Variants in OXR1 observed in about 807,000 individuals in gnomAD.
OXR1 encodes the protein oxidation resistance 1, also known as oxidation resistance protein 1.
OXR1 carries 41 observed loss-of-function variants against 104.6 expected under a neutral mutation model. The ratio of observed to expected loss-of-function variants is 0.39; its 90% CI spans 0.31 to 0.51. The LOEUF (loss-of-function observed/expected upper bound fraction) is 0.51, where lower values mean the gene tolerates loss of function less well. Ranked by LOEUF, OXR1 falls within the 20% of genes least tolerant of loss-of-function variation. The pLI is 0.77. For synonymous variants in OXR1, 348 were observed against 348.4 expected (o/e 1.00, Z 0.01); for missense variants, 955 against 1,031.9 (o/e 0.93, Z 1.02).
intron 2 of OXR1, among the ~76,000 whole-genome samples, chr8:106,487,259 G>T (rs1390385728): frequency 1.3e-5 from 2 of 151,120 alleles, no homozygotes; most frequent in African/African-American, 4.9e-5. Context: ...CCTGACCTCA[G>T]GTGATCTGCC....
At chr8:106,459,088 C>T (rs1232109368) in intron 2 of OXR1, among the ~76,000 whole-genome samples, 2 of 152,042 alleles carry the variant, frequency 1.3e-5, no homozygotes, top group Non-Finnish European at 2.9e-5. Flanking sequence ...GTTAGAAGGA[C>T]ATAAATTTGG....
At chr8:106,327,988 T>C (rs1814543538) in intron 1 of OXR1, among the ~76,000 whole-genome samples, 1 of 152,176 alleles carries the variant, frequency 6.6e-6, no homozygotes, top group Non-Finnish European at 1.5e-5. Flanking sequence ...GAGGGGAAAC[T>C]AAAGGATGTG....
intron 2 of OXR1, among the ~76,000 whole-genome samples, chr8:106,467,098 T>A (rs1821211300): frequency 6.6e-6 from 1 of 151,918 alleles, no homozygotes; most frequent in Non-Finnish European, 1.5e-5. Context: ...AAGCCTGACA[T>A]TTTTTTCACT....
chr8:106,347,124 A>T (rs73701190), intron 1 of OXR1, among the ~76,000 whole-genome samples: 4,810 of 152,344 alleles, frequency 0.032, 94 homozygotes, highest in South Asian at 0.11. Context: ...TGAAAGCCAA[A>T]GGCTTTTAGA....
At chr8:106,615,984 T>G (rs1183815144) in intron 3 of OXR1, among the ~76,000 whole-genome samples, 1 of 151,792 alleles carries the variant, frequency 6.6e-6, no homozygotes, top group Admixed American at 6.6e-5. Context: ...AAGCCATTCA[T>G]GTCACTAAGG....
intron 1 of OXR1, among the ~76,000 whole-genome samples, chr8:106,296,347 GATA>G (rs2130066915): frequency 6.6e-6 from 1 of 152,248 alleles, no homozygotes; most frequent in Non-Finnish European, 1.5e-5. Flanking sequence ...TTTAGGTATT[GATA>G]ATGATGATGA....
intron 2 of OXR1, among the ~76,000 whole-genome samples, chr8:106,492,082 A>G (rs1811125164): frequency 6.6e-6 from 1 of 152,330 alleles, no homozygotes; most frequent in South Asian, 2.1e-4. Context: ...TTAGGTCCAG[A>G]CAACTGAAAG....
rs1429871768 is a variant in OXR1, at chr8:106,342,609, C to G, written c.-138-16867C>G. Among the ~76,000 whole-genome samples, 3 of 152,058 alleles carry G rather than the reference C, an allele frequency of 2.0e-5. No individual in the cohort carries two copies. The East Asian group carries it at 5.8e-4, about 29-fold the overall frequency. On this transcript the variant is annotated intron_variant, in intron 1 of 16. Coordinates refer to ENST00000517566, the MANE Select transcript of OXR1 (RefSeq NM_001198533.2). Reference sequence around the variant, plus strand: ...GCTTTTCTCTCTCTACTGGCTCTTTCCCATACCCTGTATTTCACCTCTGGG... The same window carrying G: ...GCTTTTCTCTCTCTACTGGCTCTTTGCCATACCCTGTATTTCACCTCTGGG...
intron 1 of OXR1, among the ~76,000 whole-genome samples, chr8:106,348,689 A>G (rs1815599664): frequency 6.6e-6 from 1 of 152,146 alleles, no homozygotes; most frequent in Admixed American, 6.5e-5. Flanking sequence ...ATTTAGTGCT[A>G]CCCTTGAGTA....
intron 16 of OXR1, among the ~76,000 whole-genome samples, chr8:106,746,518 T>TG (rs1835409413): frequency 6.6e-6 from 1 of 152,212 alleles, no homozygotes; most frequent in Admixed American, 6.5e-5. Context: ...GTATTAGACA[T>TG]GGGTATGCTA....
At chr8:106,634,081 AT>A (rs1256666795) in intron 3 of OXR1, among the ~76,000 whole-genome samples, 1 of 152,170 alleles carries the variant, frequency 6.6e-6, no homozygotes, top group Non-Finnish European at 1.5e-5. Context: ...TTGTTACAAA[AT>A]TTCCATGATA....
chr8:106,646,241 G>A (rs920524697), intron 3 of OXR1, among the ~76,000 whole-genome samples: 1 of 151,868 alleles, frequency 6.6e-6, no homozygotes, highest in Non-Finnish European at 1.5e-5. Flanking sequence ...AAGTAGCTGG[G>A]ATTACAGGTG....
chr8:106,615,426 C>T (rs1364584943), intron 3 of OXR1, among the ~76,000 whole-genome samples: 5 of 150,344 alleles, frequency 3.3e-5, no homozygotes, highest in African/African-American at 9.8e-5. Flanking sequence ...AGTAAGACTC[C>T]GTCTCAAAAA....
At chr8:106,270,828 G>T (rs186157000) in intron 1 of OXR1, among the ~76,000 whole-genome samples, 1 of 152,272 alleles carries the variant, frequency 6.6e-6, no homozygotes, top group African/African-American at 2.4e-5. Flanking sequence ...AGGAGGATGG[G>T]TGGAAAGTGG....
chr8:106,629,550 A>G (rs1308904127), intron 3 of OXR1, among the ~76,000 whole-genome samples: 2 of 152,200 alleles, frequency 1.3e-5, no homozygotes, highest in Non-Finnish European at 2.9e-5. Flanking sequence ...GCCACTGTCC[A>G]TGTTCTATTT....
chr8:106,703,531 T>C (rs1182952883), intron 8 of OXR1, among the ~76,000 whole-genome samples: 5 of 151,660 alleles, frequency 3.3e-5, no homozygotes, highest in African/African-American at 1.2e-4. Flanking sequence ...TTTTTTTTAA[T>C]TGATTGATTT....
intron 2 of OXR1, among the ~76,000 whole-genome samples, chr8:106,452,512 C>T (rs1308272819): frequency 6.6e-6 from 1 of 152,126 alleles, no homozygotes; most frequent in Non-Finnish European, 1.5e-5. Context: ...TCACCACCAA[C>T]AACATTCTGT....
At chr8:106,659,549 A>G (rs1825537641) in intron 3 of OXR1, among the ~76,000 whole-genome samples, 1 of 152,254 alleles carries the variant, frequency 6.6e-6, no homozygotes, top group African/African-American at 2.4e-5. Context: ...AAAGTGTTCA[A>G]ATCAAGGACT....
At chr8:106,739,689 C>G (rs922341782) in intron 13 of OXR1, 106 bp downstream of exon 13, 2 of 1,002,852 alleles carry the variant, frequency 2.0e-6, no homozygotes, top group Non-Finnish European at 2.9e-6. Context: ...AATGCTATTA[C>G]TATTCCACTC....
Sources: allele counts gnomAD v4.1 joint callset (sites outside exome capture counted in the v4.1 genomes callset), GRCh38; gene constraint gnomAD v4.1.1; transcripts MANE v1.5; gene names NCBI Gene and HGNC (gene_info 2026-07-23, HGNC 2026-07-21).